Variants in DNMT3A observed in about 807,000 individuals in gnomAD.
The protein encoded by DNMT3A is DNA (cytosine-5)-methyltransferase 3A.
Under a neutral mutation model 117.6 loss-of-function variants are expected in DNMT3A, and 267 were observed. That is an observed-to-expected ratio of 2.27 (90% CI 2.05 to 2.51). The LOEUF (loss-of-function observed/expected upper bound fraction) is 2.51, where lower values mean the gene tolerates loss of function less well. Ranked by LOEUF, DNMT3A falls within the 30% of genes most tolerant of loss-of-function variation. The probability of loss-of-function intolerance (pLI) is 0.00; values close to 1 mark genes in which losing one functional copy is unlikely to be tolerated. For synonymous variants in DNMT3A, 432 were observed against 474.8 expected (o/e 0.91, Z 1.17); for missense variants, 1,029 against 1,260.2 (o/e 0.82, Z 2.78).
At chr2:25,321,896 CAACA>C (rs1036963551) in intron 1 of DNMT3A, among the ~76,000 whole-genome samples, 12 of 152,240 alleles carry the variant, frequency 7.9e-5, no homozygotes, top group Non-Finnish European at 1.6e-4. Context: ...AAACAATCAA[CAACA>C]AACAATTTTT....
At chr2:25,314,755 A>C in intron 1 of DNMT3A, 1 of 959,544 alleles carries the variant, frequency 1.0e-6, no homozygotes, top group Non-Finnish European at 1.2e-6. Context: ...GCCACGGCCA[A>C]GGCCACAGGC....
Position 25,249,496 on chromosome 2 carries a change from G to A in DNMT3A, c.640-1244C>T, listed in dbSNP as rs187819594. ...CCCAGTGTGTATTGTTACCAGATTC[G>A]ACCCCTTCTATGTGCACCCTTCAGA... On this transcript the variant is annotated intron_variant, in intron 6 of 22. Coordinates refer to ENST00000321117, the MANE Select transcript of DNMT3A (RefSeq NM_022552.5). 325 of 784,610 alleles carry A rather than the reference G, an allele frequency of 4.1e-4. 2 individuals carry two copies. In the African/African-American group the frequency reaches 4.7e-3, roughly 11 times the overall value. The allele number at this position is 784,610 out of a possible 1,614,324, so 48.6% of individuals were successfully genotyped here. A position where few individuals can be genotyped will look rare whatever the true frequency, so the allele number is the denominator to read the frequency against.
rs1156587539 is a variant in DNMT3A, at chr2:25,306,787, G to A, written c.73-6544C>T. Among the ~76,000 whole-genome samples the A allele has an allele frequency of 6.6e-6, 1 of 152,216 alleles. No individual in the cohort carries two copies. Among genetic ancestry groups the A allele is most frequent in the Non-Finnish European group, 1.5e-5 (1 of 68,036 alleles). On this transcript the variant is annotated intron_variant, in intron 2 of 22. Coordinates refer to ENST00000321117, the MANE Select transcript of DNMT3A (RefSeq NM_022552.5). The surrounding 1 kb of genome is among the most constrained non-coding windows in gnomAD (Gnocchi z 4.1). ...TCTATTGAGCACCTACTGTGTACTG[G>A]ATACAAAGATAAACAAATAGGAAAC...
intron 1 of DNMT3A, among the ~76,000 whole-genome samples, chr2:25,341,348 G>A (rs1191523703): frequency 1.4e-5 from 2 of 145,176 alleles, no homozygotes; most frequent in African/African-American, 4.9e-5. Flanking sequence ...TCTGGGTCGG[G>A]GTCCGCGCCC....
At position 25,287,729 on chromosome 2, in the gene DNMT3A, A is replaced by ACC. The variant is rs58548214; in HGVS notation, c.178-5020_178-5019dup. On this transcript the variant is annotated intron_variant, in intron 3 of 22. Coordinates refer to ENST00000321117, the MANE Select transcript of DNMT3A (RefSeq NM_022552.5). ...CTAAACACCCCACCAGACAGAGGAC[A>ACC]CCCCCGCCCCCAACAGAGATTTAGT... 6.4e-3 allele frequency among the ~76,000 whole-genome samples: 928 copies of ACC among 145,938 alleles called. 20 individuals are homozygous for ACC. The highest frequency in any genetic ancestry group is 0.017 in the African/African-American group (671 of 39,596).
chr2:25,258,588 A>G (rs1676355933), intron 6 of DNMT3A, among the ~76,000 whole-genome samples: 1 of 152,208 alleles, frequency 6.6e-6, no homozygotes, highest in African/African-American at 2.4e-5. Flanking sequence ...AAGACCCACC[A>G]CACATGAAAC....
At chr2:25,335,359 C>T (rs1183845627) in intron 1 of DNMT3A, among the ~76,000 whole-genome samples, 4 of 152,248 alleles carry the variant, frequency 2.6e-5, no homozygotes, top group Non-Finnish European at 5.9e-5. Flanking sequence ...ATCCCACTGG[C>T]TTGGCAGGGG....
intron 3 of DNMT3A, among the ~76,000 whole-genome samples, chr2:25,297,413 G>A (rs1170920657): frequency 6.6e-6 from 1 of 152,070 alleles, no homozygotes. Context: ...CTGAGAGGCT[G>A]ATGCTGGGCC....
rs74370157 is a variant in DNMT3A, at chr2:25,310,847, C to A, written c.72+3066G>T. 6.5e-3 allele frequency among the ~76,000 whole-genome samples: 984 copies of A among 152,266 alleles called. 10 individuals carry two copies. Among genetic ancestry groups the A allele is most frequent in the African/African-American group, 0.023 (960 of 41,542 alleles). ...AGGTGCCCGGCTGGGTCCCATCCCCCGAGTTCTGGCTCAGCAGGTCTGGAA... is the reference window on the plus strand; with the variant it reads ...AGGTGCCCGGCTGGGTCCCATCCCCAGAGTTCTGGCTCAGCAGGTCTGGAA... On this transcript the variant is annotated intron_variant, in intron 2 of 22. Transcript: ENST00000321117.
intron 5 of DNMT3A, 130 bp from the exon 6 acceptor site, chr2:25,275,217 G>T: frequency 7.6e-7 from 1 of 1,320,470 alleles, no homozygotes; most frequent in Non-Finnish European, 1.0e-6. Flanking sequence ...GTGCTGGGCA[G>T]GCCCCGTGTG....
rs770568218 is a variant in DNMT3A, at chr2:25,294,833, C to T, written c.177+5306G>A. On this transcript the variant is annotated intron_variant, in intron 3 of 22. Coordinates refer to ENST00000321117, the MANE Select transcript of DNMT3A (RefSeq NM_022552.5). This position sits in a 1 kb window ranked among gnomAD's most constrained non-coding sequence, Gnocchi z 4.7. ...CTCCTGCGGTGTTGGAGGGTCAGCC[C>T]TAACACCAGCTTGGGCTCAGCTGAG... Among the ~76,000 whole-genome samples the T allele has an allele frequency of 6.6e-6, 1 of 152,206 alleles. No individual in the cohort carries two copies. Among genetic ancestry groups the T allele is most frequent in the Non-Finnish European group, 1.5e-5 (1 of 68,028 alleles).
rs774160995 is a variant in DNMT3A, at chr2:25,329,670, A to ACC, written c.-178+12154_-178+12155dup. The stretch of plus-strand genomic sequence containing the variant: ...TCAGGAGTCTCTCACAGTCATGCAG[A>ACC]CCCCACACACACACACACACACACA... On this transcript the variant is annotated intron_variant, in intron 1 of 22. Coordinates refer to ENST00000321117, the MANE Select transcript of DNMT3A (RefSeq NM_022552.5). Among the ~76,000 whole-genome samples, 301 of 110,726 alleles carry ACC rather than the reference A, an allele frequency of 2.7e-3. 5 individuals carry two copies. The highest frequency in any genetic ancestry group is 9.3e-3 in the African/African-American group (271 of 29,156). The allele number at this position is 110,726 out of a possible 152,430, so 72.6% of individuals were successfully genotyped here.
At position 25,281,169 on chromosome 2, in the gene DNMT3A, G is replaced by A. The variant is rs75090134; in HGVS notation, c.448+1272C>T. On this transcript the variant is annotated intron_variant, in intron 4 of 22. Transcript: ENST00000321117. This position sits in a 1 kb window ranked among gnomAD's most constrained non-coding sequence, Gnocchi z 4.8. ...CCTAGACAATTCAGGACCCGTCTCC[G>A]CACCAAGTCCCATTCCAGGACAGCG... 0.023 allele frequency among the ~76,000 whole-genome samples: 3,523 copies of A among 152,250 alleles called. 58 individuals carry two copies. The highest frequency in any genetic ancestry group is 0.058 in the Middle Eastern group (17 of 294).
chr2:25,262,720 A>G (rs372403329), intron 6 of DNMT3A, among the ~76,000 whole-genome samples: 23 of 152,142 alleles, frequency 1.5e-4, no homozygotes, highest in African/African-American at 5.1e-4. Context: ...ATTCTCTTCC[A>G]CCCCTGCTCT....
intron 1 of DNMT3A, among the ~76,000 whole-genome samples, chr2:25,317,828 C>A (rs558507183): frequency 6.6e-6 from 1 of 151,998 alleles, no homozygotes; most frequent in African/African-American, 2.4e-5. Context: ...CTCCGCCTCG[C>A]GGGTTCAAGC....
rs762020470 is a variant in DNMT3A at position 25,240,371 on chromosome 2, G to C, written c.2253C>G (p.Phe751Leu). The C allele has an allele frequency of 1.2e-6, 2 of 1,614,172 alleles. No homozygotes were observed. Among genetic ancestry groups the C allele is most frequent in the Non-Finnish European group, 8.5e-7 (1 of 1,180,006 alleles). ...CCACCACATTCTCAAAGAGCCAGAA[G>C]AAGGGGCGATCATCTCCCTCCTTGG... is the stretch of plus-strand genomic sequence containing the variant. ...ARPKEGDDRPFFWLFENVVAM... is the reference protein window; with the variant it reads ...ARPKEGDDRPLFWLFENVVAM... The change falls in exon 19 of 23, where the codon TTC (phenylalanine) becomes TTG (leucine). Residue 751 changes from phenylalanine to leucine, a missense_variant. Coordinates refer to ENST00000321117, the MANE Select transcript of DNMT3A (RefSeq NM_022552.5).
rs200845575 is a variant in DNMT3A at position 25,246,204 on chromosome 2, G to A, written c.1385C>T (p.Ala462Val). The A allele has an allele frequency of 1.4e-4, 221 of 1,614,000 alleles. No individual in the cohort carries two copies. The highest frequency in any genetic ancestry group is 1.3e-4 in the Non-Finnish European group (159 of 1,179,986). ...PPAKKPRKST[A>V]EKPKVKEIID... ...AATCTCCTTGACCTTGGGCTTCTCCGCTGTGCTCTTCCGGGGCTTTTTGGC... is the reference window on the plus strand; with the variant it reads ...AATCTCCTTGACCTTGGGCTTCTCCACTGTGCTCTTCCGGGGCTTTTTGGC... The change falls in exon 11 of 23, where the codon GCG (alanine) becomes GTG (valine). Residue 462 changes from alanine (A) to valine (V), a missense_variant. By Grantham distance (64) the Ala-to-Val change is moderately conservative. Transcript: ENST00000321117.
At chr2:25,242,458 A>G (rs1674196474) in intron 16 of DNMT3A, among the ~76,000 whole-genome samples, 1 of 152,198 alleles carries the variant, frequency 6.6e-6, no homozygotes, top group Non-Finnish European at 1.5e-5. Context: ...CCCCCAGCCA[A>G]GGAGCTTTTA....
chr2:25,324,985 G>T (rs952112010), intron 1 of DNMT3A, among the ~76,000 whole-genome samples: 7 of 146,046 alleles, frequency 4.8e-5, no homozygotes, highest in Non-Finnish European at 1.1e-4. Flanking sequence ...TCGAGGCCAT[G>T]GCACCACCAG....
Sources: allele counts gnomAD v4.1 joint callset (sites outside exome capture counted in the v4.1 genomes callset), GRCh38; gene constraint gnomAD v4.1.1; non-coding constraint Gnocchi (gnomAD v3.1); transcripts MANE v1.5; gene names NCBI Gene and HGNC (gene_info 2026-07-23, HGNC 2026-07-21).